Variants in OSBPL8 observed in about 807,000 individuals in gnomAD.
OSBPL8 encodes oxysterol-binding protein-related protein 8.
In OSBPL8, 59 loss-of-function variants were observed where a neutral mutation model predicts 125.5. That is an observed-to-expected ratio of 0.47 (90% confidence interval 0.38 to 0.58). The LOEUF (loss-of-function observed/expected upper bound fraction) is 0.58. OSBPL8 is among the 20% of genes least tolerant of loss of function. OSBPL8 has a pLI of 0.00. For missense variants in OSBPL8, 758 were observed against 1,047.8 expected, an observed-to-expected ratio of 0.72 and a Z score of 3.82; for synonymous variants, 330 against 338.9, an observed-to-expected ratio of 0.97 and a Z score of 0.29.
intron 1 of OSBPL8, among the ~76,000 whole-genome samples, chr12:76,529,422 T>C (rs893005985): frequency 6.6e-6 from 1 of 151,762 alleles, no homozygotes; most frequent in Admixed American, 6.6e-5. Context: ...GAAACCCAGC[T>C]GAAACCTTTT....
At chr12:76,512,202 C>G (rs1322064231) in intron 1 of OSBPL8, among the ~76,000 whole-genome samples, 1 of 152,336 alleles carries the variant, frequency 6.6e-6, no homozygotes, top group South Asian at 2.1e-4. Flanking sequence ...TTAACTCCCA[C>G]TTATAAGAGA....
chr12:76,489,309 T>C (rs958659033), intron 1 of OSBPL8, among the ~76,000 whole-genome samples: 1 of 152,238 alleles, frequency 6.6e-6, no homozygotes, highest in Non-Finnish European at 1.5e-5. Flanking sequence ...GTTTTCAATA[T>C]AGATGAAATA....
At chr12:76,424,670 C>T (rs1035493619) in intron 4 of OSBPL8, among the ~76,000 whole-genome samples, 3 of 152,012 alleles carry the variant, frequency 2.0e-5, no homozygotes, top group Admixed American at 6.6e-5. Flanking sequence ...TGTTTTCTCA[C>T]GTATACAATG....
At position 76,390,488 on chromosome 12, in the gene OSBPL8, C is replaced by G. The variant is rs745744982; in HGVS notation, c.1099G>C (p.Glu367Gln). ...TSERQDDSYI[E>Q]PEPVEPLKET... ...TTTAAAGGCTCAACAGGCTCAGGTT[C>G]GATATATGAGTCATCTTGTCTTTCT... Residue 367 changes from glutamate to glutamine, a missense_variant, in exon 11 of 24, where the codon GAA (glutamate) becomes CAA (glutamine). This residue lies in a region of OSBPL8 where 572 missense variants were observed against 762.0 expected (regional missense o/e 0.75). Coordinates refer to ENST00000261183, the MANE Select transcript of OSBPL8 (RefSeq NM_020841.5). 17 of 1,613,778 alleles carry G rather than the reference C, an allele frequency of 1.1e-5. No homozygotes were observed. Among genetic ancestry groups the G allele is most frequent in the Non-Finnish European group, 1.4e-5 (17 of 1,179,924 alleles).
intron 3 of OSBPL8, among the ~76,000 whole-genome samples, chr12:76,456,488 T>TAAA (rs1483931379): frequency 1.3e-5 from 2 of 151,932 alleles, no homozygotes; most frequent in African/African-American, 4.8e-5. Flanking sequence ...CCATCTCTAC[T>TAAA]AAAAATACAA....
chr12:76,498,205 G>T (rs919028953), intron 1 of OSBPL8, among the ~76,000 whole-genome samples: 7 of 152,318 alleles, frequency 4.6e-5, no homozygotes, highest in African/African-American at 1.7e-4. Flanking sequence ...ATAAGTTCGA[G>T]ACCAGCCTGG....
chr12:76,357,701 C>T (rs913441374), intron 22 of OSBPL8, among the ~76,000 whole-genome samples: 1 of 152,178 alleles, frequency 6.6e-6, no homozygotes, highest in African/African-American at 2.4e-5. Context: ...AGAACTTTCC[C>T]TCAAACTGAA....
At chr12:76,361,223 T>G (rs1952192986) in intron 21 of OSBPL8, among the ~76,000 whole-genome samples, 1 of 152,156 alleles carries the variant, frequency 6.6e-6, no homozygotes. Context: ...CTAAATCATC[T>G]CCTTCAGGTT....
chr12:76,440,260 T>C (rs561283855), intron 4 of OSBPL8, among the ~76,000 whole-genome samples: 1 of 152,310 alleles, frequency 6.6e-6, no homozygotes, highest in East Asian at 1.9e-4. Flanking sequence ...AGGTACCTCA[T>C]GTGGATTCTC....
chr12:76,551,602 A>C (rs1357338931), intron 1 of OSBPL8, among the ~76,000 whole-genome samples: 1 of 152,178 alleles, frequency 6.6e-6, no homozygotes, highest in Non-Finnish European at 1.5e-5. Flanking sequence ...GGGCATCTGG[A>C]GTATTATGAT....
chr12:76,367,923 T>A (rs1952481468), intron 21 of OSBPL8, among the ~76,000 whole-genome samples: 2 of 152,246 alleles, frequency 1.3e-5, no homozygotes, highest in African/African-American at 4.8e-5. Flanking sequence ...TTAAATTATT[T>A]TTCATTCATT....
intron 1 of OSBPL8, among the ~76,000 whole-genome samples, chr12:76,533,632 G>A (rs968542720): frequency 5.9e-5 from 9 of 152,084 alleles, no homozygotes; most frequent in African/African-American, 9.7e-5. Context: ...ACTTAAAGGC[G>A]AGAAACTCAA....
At chr12:76,516,812 CTTTT>C in intron 1 of OSBPL8, among the ~76,000 whole-genome samples, 1 of 146,270 alleles carries the variant, frequency 6.8e-6, no homozygotes, top group East Asian at 2.0e-4. Context: ...CTTTTCTTTT[CTTTT>C]CTTTTTTTTT....
intron 1 of OSBPL8, among the ~76,000 whole-genome samples, chr12:76,496,852 T>C (rs1380142627): frequency 6.6e-6 from 1 of 152,152 alleles, no homozygotes; most frequent in Non-Finnish European, 1.5e-5. Context: ...TTGGCTAATA[T>C]TTTTAACTTG....
At chr12:76,365,188 C>A (rs149088650) in intron 21 of OSBPL8, among the ~76,000 whole-genome samples, 4 of 152,100 alleles carry the variant, frequency 2.6e-5, no homozygotes, top group African/African-American at 9.7e-5. Context: ...GCAGTCCCTC[C>A]GCCTCGGCCT....
chr12:76,516,801 C>CCTTTT (rs200389718), intron 1 of OSBPL8, among the ~76,000 whole-genome samples: 5 of 149,914 alleles, frequency 3.3e-5, no homozygotes, highest in Admixed American at 1.3e-4. Context: ...CCATTTCTTT[C>CCTTTT]CTTTTCTTTT....
intron 5 of OSBPL8, among the ~76,000 whole-genome samples, 159 bp downstream of exon 5, chr12:76,410,405 T>A (rs1954465304): frequency 6.6e-6 from 1 of 152,136 alleles, no homozygotes; most frequent in Non-Finnish European, 1.5e-5. Context: ...ATACTTATAT[T>A]AGCCCCAATG....
chr12:76,539,881 C>T (rs1213865945), intron 1 of OSBPL8, among the ~76,000 whole-genome samples: 1 of 152,182 alleles, frequency 6.6e-6, no homozygotes, highest in African/African-American at 2.4e-5. Flanking sequence ...CAAACATAGA[C>T]CCATACACAT....
At chr12:76,417,691 T>G (rs1868873563) in intron 4 of OSBPL8, among the ~76,000 whole-genome samples, 1 of 152,220 alleles carries the variant, frequency 6.6e-6, no homozygotes. Flanking sequence ...TTCTAAAATT[T>G]ATATCCTAAT....
Sources: gnomAD v4.1 joint callset for allele counts (sites outside exome capture counted in the v4.1 genomes callset) on GRCh38, gnomAD v4.1.1 for gene constraint, gnomAD v4.1.1 regional missense constraint, MANE v1.5 for transcripts, NCBI Gene and HGNC (gene_info 2026-07-23, HGNC 2026-07-21) for gene names.